PARM1: variants seen among roughly 807,000 people sequenced by gnomAD.
The protein encoded by PARM1 is prostate androgen-regulated mucin-like protein 1.
In PARM1, 14 loss-of-function variants were observed where a neutral mutation model predicts 24.6. The observed-to-expected ratio is 0.57, with a 90% CI of 0.38 to 0.89. The LOEUF (loss-of-function observed/expected upper bound fraction) is 0.89, where lower values mean the gene tolerates loss of function less well. PARM1 is among the 40% of genes least tolerant of loss of function. The pLI, the probability that PARM1 is intolerant of heterozygous loss-of-function variation, is 0.00. For synonymous variants in PARM1, 179 were observed against 156.6 expected (o/e 1.14, Z -1.07); for missense variants, 362 against 380.4 (o/e 0.95, Z 0.40).
At chr4:75,033,018 G>A (rs113154639) in intron 2 of PARM1, among the ~76,000 whole-genome samples, 1 of 152,204 alleles carries the variant, frequency 6.6e-6, no homozygotes, top group African/African-American at 2.4e-5. Flanking sequence ...AAAGCATGTT[G>A]TGCTTCAAAG....
At chr4:75,015,046 T>A (rs919846223) in intron 2 of PARM1, among the ~76,000 whole-genome samples, 3 of 152,178 alleles carry the variant, frequency 2.0e-5, no homozygotes, top group Admixed American at 2.0e-4. Context: ...CCACCACTTG[T>A]CTGTACAACT....
chr4:75,037,045 C>A (rs1010882050), intron 3 of PARM1, among the ~76,000 whole-genome samples: 2 of 152,108 alleles, frequency 1.3e-5, no homozygotes, highest in African/African-American at 4.8e-5. Flanking sequence ...TAAGGCTATG[C>A]TAAAACCCCT....
intron 1 of PARM1, among the ~76,000 whole-genome samples, chr4:74,934,300 C>T (rs901003081): frequency 5.9e-5 from 9 of 152,156 alleles, no homozygotes; most frequent in African/African-American, 2.2e-4. Flanking sequence ...GGAAAAGTAG[C>T]CCGACTGCGC....
At chr4:74,968,010 C>T (rs2109993138) in intron 1 of PARM1, among the ~76,000 whole-genome samples, 1 of 152,264 alleles carries the variant, frequency 6.6e-6, no homozygotes, top group Middle Eastern at 3.4e-3. Context: ...GCAGGTTCCT[C>T]CCCTTTTCAT....
At chr4:75,004,674 C>T (rs1722739293) in intron 1 of PARM1, among the ~76,000 whole-genome samples, 1 of 152,062 alleles carries the variant, frequency 6.6e-6, no homozygotes, top group African/African-American at 2.4e-5. Context: ...ATCCCAAAGA[C>T]AGTAGGAATC....
intron 1 of PARM1, chr4:74,967,126 G>A (rs185060711): frequency 1.2e-4 from 19 of 152,262 alleles, no homozygotes; most frequent in African/African-American, 4.3e-4. Flanking sequence ...ATAAACTACA[G>A]AAGGACTTTA....
At chr4:74,972,237 C>T (rs1722052519) in intron 1 of PARM1, among the ~76,000 whole-genome samples, 1 of 152,174 alleles carries the variant, frequency 6.6e-6, no homozygotes, top group South Asian at 2.1e-4. Flanking sequence ...TGAGCATCTG[C>T]AAGATTGTGG....
chr4:75,006,215 C>T (rs973531868), intron 1 of PARM1, among the ~76,000 whole-genome samples: 4 of 151,958 alleles, frequency 2.6e-5, no homozygotes, highest in Non-Finnish European at 5.9e-5. Flanking sequence ...CATATGTATA[C>T]ATGTGCCATG....
rs190171399 is a variant in PARM1, at chr4:74,954,536, A to G, written c.43+21166A>G. 2.4e-3 allele frequency among the ~76,000 whole-genome samples: 372 copies of G among 152,340 alleles called. 9 individuals carry two copies. Among genetic ancestry groups the G allele is most frequent in the Non-Finnish European group, 6.9e-4 (47 of 68,020 alleles). On this transcript the variant is annotated intron_variant, in intron 1 of 3. Transcript: ENST00000307428. ...AAACACTGCTGTTTTGAAATTATGG[A>G]CATAGCAAAGTATAGATTGAATCTT...
intron 2 of PARM1, among the ~76,000 whole-genome samples, chr4:75,020,009 CAAAAAAAAA>C (rs1161399344): frequency 1.3e-4 from 4 of 31,102 alleles, no homozygotes; most frequent in South Asian, 6.9e-3. Context: ...GACTCCGTCT[CAAAAAAAAA>C]AAAAAAAAAA....
chr4:75,011,596 T>G (rs1034545543), intron 1 of PARM1, among the ~76,000 whole-genome samples: 1 of 151,938 alleles, frequency 6.6e-6, no homozygotes, highest in Non-Finnish European at 1.5e-5. Context: ...ATTGAATGAG[T>G]CAATGAATGA....
At chr4:74,974,174 C>A (rs370592303) in intron 1 of PARM1, among the ~76,000 whole-genome samples, 2 of 152,338 alleles carry the variant, frequency 1.3e-5, no homozygotes, top group African/African-American at 4.8e-5. Context: ...AGGCTCGCCA[C>A]GGATTGGATG....
intron 1 of PARM1, among the ~76,000 whole-genome samples, chr4:75,004,987 TATC>T (rs1160449858): frequency 6.6e-6 from 1 of 152,242 alleles, no homozygotes; most frequent in Non-Finnish European, 1.5e-5. Flanking sequence ...GCTTCTGTCT[TATC>T]ATCTGTGAAA....
At position 74,941,047 on chromosome 4, in the gene PARM1, T is replaced by C. The variant is rs559973907; in HGVS notation, c.43+7677T>C. Among the ~76,000 whole-genome samples, 5 of 152,304 alleles carry C rather than the reference T, an allele frequency of 3.3e-5. No homozygotes were observed. The East Asian group carries it at 9.7e-4, about 29-fold the overall frequency. On this transcript the variant is annotated intron_variant, in intron 1 of 3. Coordinates refer to ENST00000307428, the MANE Select transcript of PARM1 (RefSeq NM_015393.4). ...TTCTTGGCCTTGAAAAGAGGCAAGTTATTGGTAGATCACACACTCTACTTA... is the reference window on the plus strand; with the variant it reads ...TTCTTGGCCTTGAAAAGAGGCAAGTCATTGGTAGATCACACACTCTACTTA...
intron 1 of PARM1, among the ~76,000 whole-genome samples, chr4:74,947,491 C>T (rs1445717136): frequency 7.9e-5 from 12 of 152,068 alleles, no homozygotes; most frequent in Non-Finnish European, 1.5e-5. Flanking sequence ...ACCAAAACTG[C>T]AATAATAAAT....
At chr4:75,016,431 C>G (rs1660459857) in intron 2 of PARM1, among the ~76,000 whole-genome samples, 1 of 152,064 alleles carries the variant, frequency 6.6e-6, no homozygotes, top group African/African-American at 2.4e-5. Context: ...TATTTTAGAT[C>G]AGTGGGTACA....
At chr4:75,032,144 T>C (rs769543794) in intron 2 of PARM1, among the ~76,000 whole-genome samples, 10 of 152,220 alleles carry the variant, frequency 6.6e-5, no homozygotes, top group Non-Finnish European at 1.3e-4. Context: ...CTCAAAATGA[T>C]TCCAGGAGCA....
chr4:75,025,016 T>C (rs1723157910), intron 2 of PARM1, among the ~76,000 whole-genome samples: 2 of 152,202 alleles, frequency 1.3e-5, no homozygotes, highest in African/African-American at 2.4e-5. Flanking sequence ...ATTTTATCCA[T>C]AGTCATGTCT....
intron 1 of PARM1, among the ~76,000 whole-genome samples, chr4:74,946,070 A>G (rs1721405103): frequency 6.6e-6 from 1 of 152,188 alleles, no homozygotes. Context: ...ATTGTGCTAC[A>G]TTCATTTCAT....
Sources: allele counts gnomAD v4.1 joint callset (sites outside exome capture counted in the v4.1 genomes callset), GRCh38; gene constraint gnomAD v4.1.1; transcripts MANE v1.5; gene names NCBI Gene and HGNC (gene_info 2026-07-23, HGNC 2026-07-21).